The following SYNE2 variants were observed in gnomAD, a reference collection of about 807,000 sequenced individuals.
SYNE2 encodes spectrin repeat containing nuclear envelope protein 2, also known as nesprin-2.
SYNE2 carries 431 observed loss-of-function variants against 856.3 expected under a neutral mutation model. The ratio of observed to expected loss-of-function variants is 0.50; its 90% CI spans 0.47 to 0.55. The LOEUF (loss-of-function observed/expected upper bound fraction) is 0.55. Ranked by LOEUF, SYNE2 falls within the 20% of genes least tolerant of loss-of-function variation. SYNE2 has a pLI of 0.00. For missense variants in SYNE2, 8,129 were observed against 8,023.2 expected (o/e 1.01, Z -0.50); for synonymous variants, 2,923 against 2,872.3 (o/e 1.02, Z -0.56).
chr14:63,930,240 C>T (rs376055119), intron 2 of SYNE2, among the ~76,000 whole-genome samples: 6 of 149,534 alleles, frequency 4.0e-5, no homozygotes, highest in South Asian at 2.1e-4. Context: ...GAGCCATGGT[C>T]GCACCACTGC....
At chr14:63,951,305 T>A (rs1189626985) in intron 7 of SYNE2, among the ~76,000 whole-genome samples, 3 of 152,052 alleles carry the variant, frequency 2.0e-5, no homozygotes, top group African/African-American at 7.2e-5. Flanking sequence ...GCCTTACTTT[T>A]CTTTTCTTTT....
intron 1 of SYNE2, among the ~76,000 whole-genome samples, chr14:63,872,115 A>T (rs2140402798): frequency 6.6e-6 from 1 of 152,184 alleles, no homozygotes; most frequent in South Asian, 2.1e-4. Context: ...TAGTCCTATC[A>T]TGGATCCCTG....
Position 64,181,938 on chromosome 14 carries a change from A to G in SYNE2, c.17556+4455A>G, listed in dbSNP as rs142925945. On this transcript the variant is annotated intron_variant, in intron 96 of 115. Coordinates refer to ENST00000555002, the MANE Select transcript of SYNE2 (RefSeq NM_182914.3). ...AGTTTGGTTTTTAAATAATTTTTGT[A>G]TAAGTAAAATTTTTCTCTTATCAGT... 8.7e-3 allele frequency among the ~76,000 whole-genome samples: 1,322 copies of G among 152,356 alleles called. 19 individuals are homozygous for G. Among genetic ancestry groups the G allele is most frequent in the African/African-American group, 0.031 (1,270 of 41,592 alleles).
At chr14:63,952,007 T>C (rs962361359) in intron 7 of SYNE2, among the ~76,000 whole-genome samples, 1 of 152,258 alleles carries the variant, frequency 6.6e-6, no homozygotes, top group African/African-American at 2.4e-5. Flanking sequence ...TATTATTAGA[T>C]AACTTTTATT....
chr14:64,002,819 G>A lies in SYNE2; in HGVS notation c.3886G>A (p.Ala1296Thr), dbSNP rs758097486. 12 of 1,614,124 alleles carry A rather than the reference G, an allele frequency of 7.4e-6. No individual in the cohort carries two copies. The highest frequency in any genetic ancestry group is 1.1e-5 in the South Asian group (1 of 91,076). The change falls in exon 30 of 116, where the codon GCA (alanine) becomes ACA (threonine). Residue 1296 changes from alanine to threonine, a missense_variant. Around this residue, in one of 3 missense-constraint regions of SYNE2, gnomAD observed 2,422 missense variants for 2,357.4 expected, o/e 1.03. Transcript: ENST00000555002. ...GGAGTTACACCCATTTGATCTACAC[G>A]CAATGCAGAATATTATACTGAAATA... ...LKELHPFDLH[A>T]MQNIILKYKT... is the part of the protein sequence containing the mutation.
chr14:63,879,980 G>C (rs2094821399), intron 1 of SYNE2, among the ~76,000 whole-genome samples: 1 of 151,938 alleles, frequency 6.6e-6, no homozygotes. Flanking sequence ...TTCTTCTCTG[G>C]TTATGTTTTA....
chr14:63,801,738 A>T (rs1445240837), intron 1 of SYNE2, among the ~76,000 whole-genome samples: 1 of 152,050 alleles, frequency 6.6e-6, no homozygotes, highest in East Asian at 1.9e-4. Context: ...ATTCTATTTA[A>T]AATTTAGGTT....
rs1348446906 is a variant in SYNE2, at chr14:64,170,278, C to T, written c.17051C>T (p.Ala5684Val). Residue 5684 changes from alanine (A) to valine (V), a missense_variant, in exon 94 of 116, where the codon GCT becomes GTT. Ala to Val is a moderately conservative substitution (Grantham distance 64). Around this residue, in one of 3 missense-constraint regions of SYNE2, gnomAD observed 5,410 missense variants for 5,284.8 expected, o/e 1.02. Transcript: ENST00000555002. ...AAGCTGACGGATCGGTGGCAGAATG[C>T]TGTCCAGGGTGTTCGGCAGAGGAAG... The part of the protein sequence containing the change: ...FSKLTDRWQN[A>V]VQGVRQRKGD... 1 of 1,614,138 alleles carries T rather than the reference C, an allele frequency of 6.2e-7. No individual in the cohort carries two copies. The highest frequency in any genetic ancestry group is 2.2e-5 in the East Asian group (1 of 44,882).
chr14:64,062,725 C>T, intron 49 of SYNE2, 26 bp from the exon 50 acceptor site: 1 of 1,600,434 alleles, frequency 6.2e-7, no homozygotes, highest in Non-Finnish European at 8.6e-7. Flanking sequence ...TTTAATACCA[C>T]TTTTTTTCTA....
intron 48 of SYNE2, among the ~76,000 whole-genome samples, chr14:64,055,303 T>C (rs547868353): frequency 6.6e-6 from 1 of 152,220 alleles, no homozygotes; most frequent in African/African-American, 2.4e-5. Context: ...GATACATTAA[T>C]AGACATTATT....
chr14:63,769,104 A>G (rs1886796420), intron 1 of SYNE2, among the ~76,000 whole-genome samples: 1 of 152,132 alleles, frequency 6.6e-6, no homozygotes, highest in South Asian at 2.1e-4. Flanking sequence ...GTGAGACCTC[A>G]TCTCTAAAAA....
intron 66 of SYNE2, 120 bp downstream of exon 66, chr14:64,113,691 C>A: frequency 9.0e-7 from 1 of 1,113,776 alleles, no homozygotes; most frequent in Non-Finnish European, 1.3e-6. Context: ...TTACATTTAT[C>A]TTGGCCTCAG....
intron 45 of SYNE2, chr14:64,034,365 T>TA (rs1216816244): frequency 7.5e-6 from 3 of 401,312 alleles, no homozygotes; most frequent in Non-Finnish European, 1.3e-5. Context: ...TGCTAATTAA[T>TA]ACTCACTTCA....
chr14:64,110,130 T>G (rs2097794932), intron 65 of SYNE2, among the ~76,000 whole-genome samples: 1 of 151,288 alleles, frequency 6.6e-6, no homozygotes, highest in Non-Finnish European at 1.5e-5. Context: ...GGGGGAGATA[T>G]GCAGGTATAA....
intron 1 of SYNE2, among the ~76,000 whole-genome samples, chr14:63,781,668 CTA>C (rs35409066): frequency 6.7e-6 from 1 of 149,582 alleles, no homozygotes; most frequent in African/African-American, 2.4e-5. Context: ...TTCTCTCTCT[CTA>C]TATATATATA....
At chr14:63,984,562 T>C (rs962859440) in intron 18 of SYNE2, among the ~76,000 whole-genome samples, 3 of 152,240 alleles carry the variant, frequency 2.0e-5, no homozygotes, top group Admixed American at 6.5e-5. Context: ...ATATTCTATT[T>C]CTTCCTTGTT....
intron 96 of SYNE2, 87 bp from the exon 97 acceptor site, chr14:64,186,337 G>C (rs929858764): frequency 4.2e-5 from 66 of 1,565,268 alleles, no homozygotes; most frequent in Non-Finnish European, 5.4e-5. Context: ...CTCCCCCAGA[G>C]TCTAATCAAA....
chr14:64,091,933 G>T (rs1264617727), intron 60 of SYNE2, among the ~76,000 whole-genome samples: 1 of 151,960 alleles, frequency 6.6e-6, no homozygotes, highest in Non-Finnish European at 1.5e-5. Flanking sequence ...TAAATTTCAT[G>T]CACATTTTGG....
chr14:63,840,495 T>C (rs1400829219), intron 1 of SYNE2, among the ~76,000 whole-genome samples: 5 of 128,270 alleles, frequency 3.9e-5, no homozygotes, highest in Admixed American at 8.1e-5. Flanking sequence ...CTCCCTTCCC[T>C]CCTCCTTCCT....
Sources: allele counts gnomAD v4.1 joint callset (sites outside exome capture counted in the v4.1 genomes callset), GRCh38; gene constraint gnomAD v4.1.1; regional missense constraint gnomAD v4.1.1; transcripts MANE v1.5; gene names NCBI Gene and HGNC (gene_info 2026-07-23, HGNC 2026-07-21).